Variants in GPBP1 observed in about 807,000 individuals in gnomAD.
GPBP1 encodes the protein GC-rich promoter binding protein 1.
Under a neutral mutation model 56.5 loss-of-function variants are expected in GPBP1, and 13 were observed. The ratio of observed to expected loss-of-function variants is 0.23; its 90% CI spans 0.15 to 0.37. The LOEUF is 0.37. GPBP1 is among the 10% of genes least tolerant of loss of function. The pLI is 1.00. For synonymous variants in GPBP1, 204 were observed against 188.9 expected, an observed-to-expected ratio of 1.08 and a Z score of -0.66; for missense variants, 477 against 572.3, an observed-to-expected ratio of 0.83 and a Z score of 1.70.
Position 57,262,940 on chromosome 5 carries a change from TAA to T in GPBP1, c.*190_*191del. 2.0e-6 allele frequency: 1 copy of T among 496,424 alleles called. No individual in the cohort carries two copies. Among genetic ancestry groups the T allele is most frequent in the Non-Finnish European group, 3.5e-6 (1 of 282,684 alleles). The allele number at this position is 496,424 out of a possible 1,614,324, so 30.8% of individuals were successfully genotyped here. ...GGCTGTGTTGAACATTATTTCTTTG[TAA>T]ATGAATGTTGTAGGAATGAGGACTT... On this transcript the variant is annotated 3_prime_UTR_variant, in exon 12 of 12. Transcript: ENST00000506184.
At chr5:57,207,391 A>T (rs1006143652) in intron 2 of GPBP1, among the ~76,000 whole-genome samples, 4 of 151,952 alleles carry the variant, frequency 2.6e-5, no homozygotes, top group Non-Finnish European at 5.9e-5. Context: ...AGGGCATGTG[A>T]TGGGGGTGTG....
chr5:57,229,212 C>T (rs1460852820), intron 3 of GPBP1, among the ~76,000 whole-genome samples: 1 of 109,188 alleles, frequency 9.2e-6, no homozygotes, highest in Non-Finnish European at 1.8e-5. Flanking sequence ...GCCTGGGCGA[C>T]AGAACAAGAC....
intron 2 of GPBP1, among the ~76,000 whole-genome samples, chr5:57,185,258 C>A (rs201235115): frequency 2.3e-5 from 3 of 128,666 alleles, no homozygotes; most frequent in Non-Finnish European, 3.3e-5. Context: ...TTGGTTAGGT[C>A]TTTTTTTTTT....
chr5:57,241,350 A>G (rs1388321993), intron 6 of GPBP1, among the ~76,000 whole-genome samples: 1 of 152,218 alleles, frequency 6.6e-6, no homozygotes, highest in Admixed American at 6.5e-5. Flanking sequence ...CACTGCATTT[A>G]TAGAAGAAAA....
chr5:57,174,711 T>A (rs1242296441), intron 1 of GPBP1, among the ~76,000 whole-genome samples: 1 of 152,186 alleles, frequency 6.6e-6, no homozygotes. Context: ...ACTTTGTTCC[T>A]TTGAGTCCTG....
chr5:57,240,070 C>A (rs941743108), intron 6 of GPBP1, among the ~76,000 whole-genome samples: 7 of 151,832 alleles, frequency 4.6e-5, no homozygotes, highest in Non-Finnish European at 1.0e-4. Context: ...CATAGGGAGA[C>A]CCTTGTCTCT....
At chr5:57,224,949 G>A (rs532028925) in intron 3 of GPBP1, among the ~76,000 whole-genome samples, 1 of 151,472 alleles carries the variant, frequency 6.6e-6, no homozygotes, top group Non-Finnish European at 1.5e-5. Flanking sequence ...CATTGAGAAC[G>A]AAGGTAGGGG....
At chr5:57,234,076 T>A (rs1461077408) in intron 5 of GPBP1, among the ~76,000 whole-genome samples, 1 of 152,212 alleles carries the variant, frequency 6.6e-6, no homozygotes, top group Non-Finnish European at 1.5e-5. Flanking sequence ...AAATCTTAAT[T>A]CTGTTTAGTT....
chr5:57,226,940 C>T (rs886211601), intron 3 of GPBP1, among the ~76,000 whole-genome samples: 1 of 151,916 alleles, frequency 6.6e-6, no homozygotes, highest in East Asian at 1.9e-4. Context: ...GGGGTTTCAC[C>T]ATGTTAGCCA....
chr5:57,187,940 T>C (rs1253767398), intron 2 of GPBP1, among the ~76,000 whole-genome samples: 7 of 151,786 alleles, frequency 4.6e-5, no homozygotes, highest in Non-Finnish European at 1.0e-4. Context: ...TATATGTATA[T>C]ATGACATTTA....
intron 1 of GPBP1, among the ~76,000 whole-genome samples, 194 bp downstream of exon 1, chr5:57,174,405 GC>G (rs1753703071): frequency 6.6e-6 from 1 of 151,946 alleles, no homozygotes; most frequent in Admixed American, 6.6e-5. Context: ...TATTGACTCG[GC>G]CCGGGTGGAG....
chr5:57,174,181 C>T lies in GPBP1; in HGVS notation c.-1041C>T, dbSNP rs1276440767. On this transcript the variant is annotated 5_prime_UTR_variant, in exon 1 of 12. Transcript: ENST00000506184. Reference sequence around the variant, plus strand: ...CCGGGATCAGGCGCGGCGGCACCCCCAGGCCAGGGGCACCTCTGGTGGGGC... The same window carrying T: ...CCGGGATCAGGCGCGGCGGCACCCCTAGGCCAGGGGCACCTCTGGTGGGGC... The T allele has an allele frequency of 6.5e-6, 1 of 153,148 alleles. No homozygotes were observed. The highest frequency in any genetic ancestry group is 2.4e-5 in the African/African-American group (1 of 41,438). 9.5% of individuals were successfully genotyped at this position (153,148 alleles called of 1,614,324 possible). A position where few individuals can be genotyped will look rare whatever the true frequency, so the allele number is the denominator to read the frequency against.
At chr5:57,204,184 A>T (rs891508727) in intron 2 of GPBP1, among the ~76,000 whole-genome samples, 1 of 152,334 alleles carries the variant, frequency 6.6e-6, no homozygotes, top group Admixed American at 6.5e-5. Context: ...TAAAAATGTC[A>T]TAGTTTTTAA....
chr5:57,197,464 TCTC>T (rs1400007695), intron 2 of GPBP1, among the ~76,000 whole-genome samples: 3 of 148,406 alleles, frequency 2.0e-5, no homozygotes, highest in East Asian at 1.9e-4. Context: ...TTCAAGCAGT[TCTC>T]CTGCCTCAGC....
chr5:57,235,468 G>C (rs1019490287), intron 5 of GPBP1, among the ~76,000 whole-genome samples: 1 of 151,644 alleles, frequency 6.6e-6, no homozygotes, highest in Non-Finnish European at 1.5e-5. Context: ...AAAGGAATAA[G>C]AGAATGGCTA....
chr5:57,186,957 C>T (rs888403996), intron 2 of GPBP1, among the ~76,000 whole-genome samples: 2 of 150,712 alleles, frequency 1.3e-5, no homozygotes, highest in Admixed American at 6.6e-5. Context: ...CTTGAAATTT[C>T]TGTGATGAAA....
chr5:57,214,539 C>T (rs776671358), intron 3 of GPBP1, among the ~76,000 whole-genome samples: 37 of 152,028 alleles, frequency 2.4e-4, no homozygotes, highest in Admixed American at 5.2e-4. Flanking sequence ...GAGCTGAGGT[C>T]GCGCCATTGC....
chr5:57,219,504 G>A (rs566658187), intron 3 of GPBP1, among the ~76,000 whole-genome samples: 43 of 151,220 alleles, frequency 2.8e-4, no homozygotes, highest in African/African-American at 9.5e-4. Context: ...TTGGGGAATG[G>A]AGACCTCTGT....
intron 2 of GPBP1, among the ~76,000 whole-genome samples, chr5:57,210,945 A>G (rs926593824): frequency 6.6e-6 from 1 of 152,112 alleles, no homozygotes; most frequent in African/African-American, 2.4e-5. Flanking sequence ...CTTATCTTCA[A>G]ATATTGCTAC....
Sources: allele counts gnomAD v4.1 joint callset (sites outside exome capture counted in the v4.1 genomes callset), GRCh38; gene constraint gnomAD v4.1.1; transcripts MANE v1.5; gene names NCBI Gene and HGNC (gene_info 2026-07-23, HGNC 2026-07-21).